Variants in CPED1 observed in about 807,000 individuals in gnomAD.
CPED1 encodes the protein cadherin-like and PC-esterase domain-containing protein 1.
In CPED1, 114 loss-of-function variants were observed where a neutral mutation model predicts 128.2. The ratio of observed to expected loss-of-function variants is 0.89; its 90% confidence interval spans 0.76 to 1.04. The LOEUF is 1.04. Among genes scored for constraint, CPED1 ranks in the 50% least tolerant of loss-of-function variants. The pLI, the probability that CPED1 is intolerant of heterozygous loss-of-function variation, is 0.00. For missense variants in CPED1, 1,211 were observed against 1,207.1 expected (o/e 1.00, Z -0.05); for synonymous variants, 462 against 426.7 (o/e 1.08, Z -1.02).
chr7:121,088,890 A>T (rs1355061022), intron 5 of CPED1, among the ~76,000 whole-genome samples: 1 of 151,638 alleles, frequency 6.6e-6, no homozygotes, highest in Non-Finnish European at 1.5e-5. Context: ...AATTAATTGG[A>T]TAATTCTTTA....
At position 121,225,765 on chromosome 7, in the gene CPED1, G is replaced by A. The variant is rs186455372; in HGVS notation, c.2056-10949G>A. Among the ~76,000 whole-genome samples the A allele has an allele frequency of 4.0e-5, 6 of 151,744 alleles. 1 individual carries two copies. Among genetic ancestry groups the A allele is most frequent in the African/African-American group, 1.5e-4 (6 of 41,360 alleles). On this transcript the variant is annotated intron_variant, in intron 16 of 22. Transcript: ENST00000310396. Reference sequence around the variant, plus strand: ...ACTGATACCCTTCTTCTACTTCATCGAATCGGGTATTGAAGCTTGTGTATG... The same window carrying A: ...ACTGATACCCTTCTTCTACTTCATCAAATCGGGTATTGAAGCTTGTGTATG...
rs112863350 is a variant in CPED1 at position 121,162,442 on chromosome 7, A to T, written c.2055+20301A>T. On this transcript the variant is annotated intron_variant, in intron 16 of 22. Coordinates refer to ENST00000310396, the MANE Select transcript of CPED1 (RefSeq NM_024913.5). ...GATCAGATTCCGCACAGAGAACATCAGTTCATGTCTTCTGATATAATCCAA... is the reference window on the plus strand; with the variant it reads ...GATCAGATTCCGCACAGAGAACATCTGTTCATGTCTTCTGATATAATCCAA... Among the ~76,000 whole-genome samples, 193 of 152,352 alleles carry T rather than the reference A, an allele frequency of 1.3e-3. 3 individuals carry two copies. Among genetic ancestry groups the T allele is most frequent in the African/African-American group, 4.4e-3 (184 of 41,590 alleles).
Position 121,111,896 on chromosome 7 carries a change from CATTT to C in CPED1, c.918+11806_918+11809del, listed in dbSNP as rs1303072800. Among the ~76,000 whole-genome samples, 6 of 152,312 alleles carry C rather than the reference CATTT, an allele frequency of 3.9e-5. No individual in the cohort carries two copies. In the South Asian group the frequency reaches 1.2e-3, roughly 32 times the overall value. On this transcript the variant is annotated intron_variant, in intron 7 of 22. Coordinates refer to ENST00000310396, the MANE Select transcript of CPED1 (RefSeq NM_024913.5). ...TCCAAACTTAGTGACTTCAAATAAA[CATTT>C]ATTATTTCTCATGGTTCTATAAATT...
At chr7:121,020,173 T>TTG (rs1331281517) in intron 3 of CPED1, among the ~76,000 whole-genome samples, 2 of 152,042 alleles carry the variant, frequency 1.3e-5, no homozygotes, top group Non-Finnish European at 2.9e-5. Context: ...GCTACAGAAT[T>TTG]AAAGTCAGTC....
At chr7:121,180,772 A>G (rs1276925781) in intron 16 of CPED1, among the ~76,000 whole-genome samples, 1 of 152,082 alleles carries the variant, frequency 6.6e-6, no homozygotes, top group Non-Finnish European at 1.5e-5. Flanking sequence ...TTTAAAATTA[A>G]TACCTCACCT....
intron 22 of CPED1, among the ~76,000 whole-genome samples, chr7:121,273,865 G>A (rs1283604986): frequency 3.3e-5 from 5 of 152,150 alleles, no homozygotes; most frequent in Admixed American, 3.3e-4. Flanking sequence ...TGCAAGGGCT[G>A]TAGCCTGGAA....
chr7:121,270,879 T>A, intron 21 of CPED1, among the ~76,000 whole-genome samples: 1 of 152,036 alleles, frequency 6.6e-6, no homozygotes, highest in Non-Finnish European at 1.5e-5. Context: ...TCCATATGAA[T>A]TTTAGAATAG....
intron 3 of CPED1, among the ~76,000 whole-genome samples, chr7:121,034,008 T>C (rs763722852): frequency 3.5e-4 from 54 of 152,166 alleles, no homozygotes; most frequent in Middle Eastern, 6.8e-3. Context: ...TCATGAAAAA[T>C]AACATTTAGT....
At chr7:121,132,087 G>A (rs1563038879) in intron 12 of CPED1, among the ~76,000 whole-genome samples, 1 of 151,346 alleles carries the variant, frequency 6.6e-6, no homozygotes, top group Non-Finnish European at 1.5e-5. Context: ...TTGCATTCAA[G>A]AAAAAAATGC....
chr7:121,233,753 T>G (rs1584618142), intron 16 of CPED1, among the ~76,000 whole-genome samples: 1 of 152,090 alleles, frequency 6.6e-6, no homozygotes, highest in African/African-American at 2.4e-5. Flanking sequence ...GCATTTAAAT[T>G]ATAAGTTTCA....
At chr7:121,017,160 G>A (rs967817048) in intron 3 of CPED1, among the ~76,000 whole-genome samples, 6 of 152,262 alleles carry the variant, frequency 3.9e-5, no homozygotes, top group South Asian at 2.1e-4. Flanking sequence ...CTTAAAATAC[G>A]CAGAGCCTGG....
At chr7:121,256,249 A>G (rs1791872253) in intron 18 of CPED1, among the ~76,000 whole-genome samples, 1 of 152,048 alleles carries the variant, frequency 6.6e-6, no homozygotes, top group East Asian at 1.9e-4. Flanking sequence ...AGACAAGTGG[A>G]ACAGAATAGA....
intron 19 of CPED1, 48 bp downstream of exon 19, chr7:121,266,495 G>A (rs750402816): frequency 3.4e-6 from 5 of 1,476,492 alleles, no homozygotes; most frequent in Admixed American, 3.4e-5. Flanking sequence ...AAGTACTGAT[G>A]TTCTGCTAGC....
At chr7:121,146,576 G>A (rs1417471152) in intron 16 of CPED1, among the ~76,000 whole-genome samples, 3 of 152,038 alleles carry the variant, frequency 2.0e-5, no homozygotes, top group Non-Finnish European at 4.4e-5. Context: ...CAAAAGACTA[G>A]CATGGCAGAG....
At chr7:121,018,103 TTTACTATGAGAACAATATGCATCAAA>T (rs1199962627) in intron 3 of CPED1, among the ~76,000 whole-genome samples, 9 of 152,274 alleles carry the variant, frequency 5.9e-5, no homozygotes, top group Admixed American at 1.3e-4. Flanking sequence ...TTTTGTAGTT[TTTACTATGAGAACAATATGCATCAAA>T]TACCTGAAAT....
At chr7:121,033,888 A>G (rs1792804733) in intron 3 of CPED1, among the ~76,000 whole-genome samples, 1 of 152,230 alleles carries the variant, frequency 6.6e-6, no homozygotes, top group Non-Finnish European at 1.5e-5. Context: ...GAAATAAATT[A>G]GAAATTAGTG....
At chr7:121,251,494 G>A in intron 18 of CPED1, among the ~76,000 whole-genome samples, 1 of 152,068 alleles carries the variant, frequency 6.6e-6, no homozygotes, top group East Asian at 1.9e-4. Context: ...GGAAATAAAG[G>A]GCATTCAATT....
At chr7:121,028,439 T>A (rs1378211157) in intron 3 of CPED1, among the ~76,000 whole-genome samples, 1 of 152,202 alleles carries the variant, frequency 6.6e-6, no homozygotes, top group Admixed American at 6.5e-5. Context: ...AGCCCCACAC[T>A]GAATTTGCGC....
intron 16 of CPED1, among the ~76,000 whole-genome samples, chr7:121,214,657 G>T (rs1797719454): frequency 2.0e-5 from 3 of 151,900 alleles, no homozygotes; most frequent in African/African-American, 7.3e-5. Flanking sequence ...CACATAGAAA[G>T]GACTGTCATG....
Sources: allele counts gnomAD v4.1 joint callset (sites outside exome capture counted in the v4.1 genomes callset), GRCh38; gene constraint gnomAD v4.1.1; transcripts MANE v1.5; gene names NCBI Gene and HGNC (gene_info 2026-07-23, HGNC 2026-07-21).